Variants in ACAD10 observed in about 807,000 individuals in gnomAD.
ACAD10 encodes the protein acyl-CoA dehydrogenase family member 10, also known as ACAD-10.
Under a neutral mutation model 116.8 loss-of-function variants are expected in ACAD10, and 112 were observed. That is an observed-to-expected ratio of 0.96 (90% confidence interval 0.82 to 1.12). ACAD10 has a LOEUF of 1.12. Ranked by LOEUF, ACAD10 falls within the 50% of genes most tolerant of loss-of-function variation. The pLI, the probability that ACAD10 is intolerant of heterozygous loss-of-function variation, is 0.00. For missense variants in ACAD10, 1,259 were observed against 1,350.2 expected (o/e 0.93, Z 1.06); for synonymous variants, 486 against 510.6 (o/e 0.95, Z 0.65).
chr12:111,743,771 G>A (rs528095068), intron 12 of ACAD10, among the ~76,000 whole-genome samples: 1 of 151,682 alleles, frequency 6.6e-6, no homozygotes, highest in East Asian at 1.9e-4. Flanking sequence ...TTTTTGAGAT[G>A]GGTGCCTCAC....
intron 4 of ACAD10, among the ~76,000 whole-genome samples, chr12:111,709,077 G>A (rs1054079164): frequency 6.7e-5 from 10 of 149,786 alleles, no homozygotes; most frequent in East Asian, 2.0e-4. Context: ...AATGCTTTCC[G>A]TCAAACTGAC....
At chr12:111,752,533 C>T (rs896142555) in intron 18 of ACAD10, among the ~76,000 whole-genome samples, 5 of 151,882 alleles carry the variant, frequency 3.3e-5, no homozygotes, top group East Asian at 3.9e-4. Flanking sequence ...ACTTGAACCC[C>T]GGGAGGCAGA....
At position 111,692,813 on chromosome 12, in the gene ACAD10, C is replaced by T. The variant is rs774906858; in HGVS notation, c.104C>T (p.Thr35Ile). 5.0e-6 allele frequency: 8 copies of T among 1,614,200 alleles called. No homozygotes were observed. In the South Asian group the frequency reaches 8.8e-5, roughly 18 times the overall value. Residue 35 changes from threonine (T) to isoleucine (I), a missense_variant, in exon 2 of 21, where the codon ACA becomes ATA. Physicochemically the swap from Thr to Ile is moderately conservative, Grantham distance 89 (BLOSUM62 -1). Transcript: ENST00000313698. ...AGGCACCAGGGGTCCCACCGATGGA[C>T]ACACCTTGGAGGCAGCACCTACAGA... Reference protein sequence around the residue: ...QRRHQGSHRWTHLGGSTYRAV... With the variant: ...QRRHQGSHRWIHLGGSTYRAV...
At chr12:111,702,741 TAATA>T (rs927254533) in intron 3 of ACAD10, among the ~76,000 whole-genome samples, 1 of 151,992 alleles carries the variant, frequency 6.6e-6, no homozygotes, top group African/African-American at 2.4e-5. Context: ...AAAAAAATAA[TAATA>T]AAGTTATTTC....
intron 9 of ACAD10, 61 bp downstream of exon 9, chr12:111,728,204 G>A: frequency 7.3e-6 from 11 of 1,509,092 alleles, no homozygotes; most frequent in Non-Finnish European, 8.9e-6. Flanking sequence ...CTGCTTTTAG[G>A]ATCTGAATCG....
chr12:111,729,682 G>A, intron 9 of ACAD10, 124 bp from the exon 10 acceptor site: 1 of 1,186,940 alleles, frequency 8.4e-7, no homozygotes, highest in Non-Finnish European at 1.2e-6. Flanking sequence ...ATAGGAACGT[G>A]TTCAAAGACA....
At chr12:111,755,993 G>A (rs1181300574) in intron 20 of ACAD10, 1 of 730,124 alleles carries the variant, frequency 1.4e-6, no homozygotes, top group East Asian at 2.8e-5. Flanking sequence ...CACTGAGCTT[G>A]CAAGTAGCTG....
intron 15 of ACAD10, 42 bp downstream of exon 15, chr12:111,747,228 T>C: frequency 6.2e-7 from 1 of 1,610,014 alleles, no homozygotes. Flanking sequence ...GGCCCTGTTG[T>C]TGTCGGCCCC....
rs1566145476 is a variant in ACAD10 at position 111,705,837 on chromosome 12, CG to C, written c.439del (p.Ala147GlnfsTer9). ...PVMTEAITQIRAKGLQTAVLS... is the reference protein window; with the variant it reads ...PVMTEAITQIXAKGLQTAVLS... ...GATGACTGAGGCCATAACTCAAATT[CG>C]GGCAAAAGGTCTTCAGACTGCAGTC... is the stretch of plus-strand genomic sequence containing the variant. On this transcript the variant is annotated frameshift_variant, in exon 4 of 21. Transcript: ENST00000313698. LOFTEE classifies it high-confidence loss of function. The C allele has an allele frequency of 6.2e-7, 1 of 1,614,158 alleles. No individual in the cohort carries two copies. The highest frequency in any genetic ancestry group is 8.5e-7 in the Non-Finnish European group (1 of 1,180,026).
intron 8 of ACAD10, among the ~76,000 whole-genome samples, chr12:111,723,301 C>G (rs1469728401): frequency 7.9e-6 from 1 of 127,046 alleles, no homozygotes; most frequent in African/African-American, 3.0e-5. Context: ...CCAGACGGGG[C>G]GGCTGGCCGG....
At chr12:111,688,811 C>CA (rs1196424104) in intron 1 of ACAD10, among the ~76,000 whole-genome samples, 1 of 149,064 alleles carries the variant, frequency 6.7e-6, no homozygotes, top group Non-Finnish European at 1.5e-5. Context: ...CAAAACAAAA[C>CA]AAAAAAAAGA....
chr12:111,697,652 T>A (rs959168252), intron 2 of ACAD10, among the ~76,000 whole-genome samples: 1 of 149,318 alleles, frequency 6.7e-6, no homozygotes, highest in African/African-American at 2.5e-5. Flanking sequence ...TGATGCTATC[T>A]CAGCTCACTG....
chr12:111,744,926 G>A lies in ACAD10; in HGVS notation c.1998G>A (p.Leu666=). 2 of 1,614,170 alleles carry A rather than the reference G, an allele frequency of 1.2e-6. No homozygotes were observed. The highest frequency in any genetic ancestry group is 8.5e-7 in the Non-Finnish European group (1 of 1,180,032). The change falls in exon 13 of 21, where the codon CTG becomes CTA. Residue 666 remains leucine (L), a synonymous_variant. Transcript: ENST00000313698. ...GCCTCTCTCCACCTGTCAGAGAGCT[G>A]TATCACCGGCTGAAGCACTTCATGG... ...PESLSPPVRE[L]YHRLKHFMEQ... is the part of the protein sequence containing the mutation.
intron 2 of ACAD10, among the ~76,000 whole-genome samples, chr12:111,694,026 A>G (rs548072479): frequency 2.8e-4 from 43 of 152,234 alleles, no homozygotes; most frequent in African/African-American, 8.7e-4. Flanking sequence ...CATGCCAGCC[A>G]GCAGGAAGGA....
At chr12:111,728,334 T>A (rs1889284846) in intron 9 of ACAD10, among the ~76,000 whole-genome samples, 191 bp downstream of exon 9, 2 of 152,114 alleles carry the variant, frequency 1.3e-5, no homozygotes, top group South Asian at 4.1e-4. Context: ...CTTCAATAAA[T>A]CCCTTTATGA....
intron 7 of ACAD10, among the ~76,000 whole-genome samples, chr12:111,719,704 C>T (rs769664462): frequency 1.3e-5 from 2 of 152,130 alleles, no homozygotes; most frequent in Admixed American, 1.3e-4. Flanking sequence ...AGGCATGAGG[C>T]ACCATGCCCG....
At chr12:111,715,590 T>C (rs1417052782) in intron 6 of ACAD10, 3 of 499,982 alleles carry the variant, frequency 6.0e-6, no homozygotes, top group Non-Finnish European at 1.1e-5. Flanking sequence ...TGGTATAAAA[T>C]GAATGGCCTT....
chr12:111,745,041 A>T lies in ACAD10; in HGVS notation c.2113A>T (p.Lys705Ter). ...CCCCTCCCCACTGATCGAAGACCTC[A>T]AGGTAAAGCAGCCATGGTGAGGTGG... is the stretch of plus-strand genomic sequence containing the variant. ...WSPSPLIEDL[K>*]EKAKAEGLWN... The change falls in exon 13 of 21, where the codon AAG becomes TAG. Residue 705 changes from lysine (K) to a stop codon, truncating the protein, a stop_gained and splice_region_variant. Coordinates refer to ENST00000313698, the MANE Select transcript of ACAD10 (RefSeq NM_025247.6). LOFTEE classifies it high-confidence loss of function. 6.2e-7 allele frequency: 1 copy of T among 1,611,102 alleles called. No individual in the cohort carries two copies. The highest frequency in any genetic ancestry group is 8.5e-7 in the Non-Finnish European group (1 of 1,178,786).
At position 111,744,624 on chromosome 12, in the gene ACAD10, T is replaced by C. The variant is rs746308050; in HGVS notation, c.1715-19T>C. 11 of 1,598,202 alleles carry C rather than the reference T, an allele frequency of 6.9e-6. No individual in the cohort carries two copies. The Admixed American group carries it at 1.2e-4, about 17-fold the overall frequency. On this transcript the variant is annotated intron_variant, in intron 12 of 20. Coordinates refer to ENST00000313698, the MANE Select transcript of ACAD10 (RefSeq NM_025247.6). The stretch of plus-strand genomic sequence containing the variant: ...GGGTCGTGTGGGAGTAATCACTGTT[T>C]TTCTTTGATTCTGCTTAGGGCAAGC...
Sources: allele counts gnomAD v4.1 joint callset (sites outside exome capture counted in the v4.1 genomes callset), GRCh38; gene constraint gnomAD v4.1.1; transcripts MANE v1.5; gene names NCBI Gene and HGNC (gene_info 2026-07-23, HGNC 2026-07-21).